CCSER1: variants seen among roughly 807,000 people sequenced by gnomAD.
CCSER1 encodes the protein coiled-coil serine rich protein 1.
Under a neutral mutation model 82.0 loss-of-function variants are expected in CCSER1, and 41 were observed. That is an observed-to-expected ratio of 0.50 (90% CI 0.39 to 0.65). The LOEUF is 0.65. CCSER1 is among the 30% of genes least tolerant of loss of function. The probability of loss-of-function intolerance (pLI) is 0.00; values close to 1 mark genes in which losing one functional copy is unlikely to be tolerated. For synonymous variants in CCSER1, 414 were observed against 383.9 expected, an observed-to-expected ratio of 1.08 and a Z score of -0.92; for missense variants, 1,119 against 1,064.2, an observed-to-expected ratio of 1.05 and a Z score of -0.72.
At chr4:90,130,216 C>T (rs1472039648) in intron 1 of CCSER1, among the ~76,000 whole-genome samples, 1 of 152,142 alleles carries the variant, frequency 6.6e-6, no homozygotes, top group East Asian at 1.9e-4. Flanking sequence ...TGGGGAGGAA[C>T]GGGAGATTCC....
At chr4:90,233,929 G>A (rs1477922374) in intron 1 of CCSER1, among the ~76,000 whole-genome samples, 2 of 152,052 alleles carry the variant, frequency 1.3e-5, no homozygotes, top group East Asian at 1.9e-4. Flanking sequence ...TACATACGTT[G>A]TTTCTATTAA....
intron 10 of CCSER1, among the ~76,000 whole-genome samples, chr4:91,195,014 T>C (rs549257815): frequency 6.6e-6 from 1 of 152,236 alleles, no homozygotes; most frequent in African/African-American, 2.4e-5. Context: ...GAAGAAGCTA[T>C]ATTTATTTTC....
chr4:91,069,088 C>T (rs912785453), intron 9 of CCSER1, among the ~76,000 whole-genome samples: 3 of 151,974 alleles, frequency 2.0e-5, no homozygotes, highest in Admixed American at 1.3e-4. Flanking sequence ...GCAGAAGAAT[C>T]GCTTGAAACT....
At chr4:91,193,652 A>G (rs1044750161) in intron 10 of CCSER1, among the ~76,000 whole-genome samples, 7 of 152,196 alleles carry the variant, frequency 4.6e-5, no homozygotes, top group Non-Finnish European at 8.8e-5. Context: ...TGTGGTTATT[A>G]TTGTTCGATC....
At chr4:90,633,937 G>A (rs557668817) in intron 6 of CCSER1, among the ~76,000 whole-genome samples, 9 of 151,710 alleles carry the variant, frequency 5.9e-5, no homozygotes, top group Non-Finnish European at 7.4e-5. Flanking sequence ...AAAAATGACC[G>A]ATGTTGGGCC....
At chr4:90,168,570 T>C (rs1194947049) in intron 1 of CCSER1, among the ~76,000 whole-genome samples, 1 of 152,214 alleles carries the variant, frequency 6.6e-6, no homozygotes, top group Non-Finnish European at 1.5e-5. Flanking sequence ...TCCTGAATGG[T>C]ACTGCCTAGG....
At chr4:91,218,114 C>T (rs1319038166) in intron 10 of CCSER1, among the ~76,000 whole-genome samples, 6 of 152,216 alleles carry the variant, frequency 3.9e-5, no homozygotes, top group Admixed American at 1.3e-4. Context: ...AGCCCTGCCC[C>T]GTGGGAAGGC....
chr4:91,274,597 T>A (rs900613121), intron 10 of CCSER1, among the ~76,000 whole-genome samples: 1 of 152,166 alleles, frequency 6.6e-6, no homozygotes, highest in African/African-American at 2.4e-5. Context: ...TTTCTGTGCC[T>A]GGCTTATTTC....
At chr4:91,257,159 A>AACAT (rs1168892032) in intron 10 of CCSER1, among the ~76,000 whole-genome samples, 3 of 152,166 alleles carry the variant, frequency 2.0e-5, no homozygotes, top group Non-Finnish European at 4.4e-5. Context: ...TGTTAGTAAA[A>AACAT]ACATAGAATA....
At chr4:91,538,699 A>ATATATTATATATATATATATATTATATT (rs1491147288) in intron 10 of CCSER1, among the ~76,000 whole-genome samples, 1 of 21,640 alleles carries the variant, frequency 4.6e-5, no homozygotes, top group Non-Finnish European at 8.4e-5. Flanking sequence ...ATATATACAC[A>ATATATTATATATATATATATATTATATT]TATATATATA....
chr4:90,673,308 A>G (rs1442497933), intron 6 of CCSER1, among the ~76,000 whole-genome samples: 1 of 151,928 alleles, frequency 6.6e-6, no homozygotes, highest in Non-Finnish European at 1.5e-5. Flanking sequence ...ATGCTATTTG[A>G]GCTTGAAAAT....
chr4:91,276,945 T>C (rs1444360608), intron 10 of CCSER1, among the ~76,000 whole-genome samples: 2 of 152,130 alleles, frequency 1.3e-5, no homozygotes, highest in Non-Finnish European at 2.9e-5. Flanking sequence ...GTTGAGGTGA[T>C]ACATGACATT....
At chr4:90,897,611 G>A (rs1723912365) in intron 8 of CCSER1, among the ~76,000 whole-genome samples, 1 of 152,000 alleles carries the variant, frequency 6.6e-6, no homozygotes, top group South Asian at 2.1e-4. Context: ...GAGTGCAAGT[G>A]TCTTTTTGAT....
chr4:91,283,611 A>G (rs987286904), intron 10 of CCSER1, among the ~76,000 whole-genome samples: 3 of 152,046 alleles, frequency 2.0e-5, no homozygotes, highest in Non-Finnish European at 1.5e-5. Context: ...TGTGTTATAT[A>G]TATTTTTTAC....
intron 5 of CCSER1, among the ~76,000 whole-genome samples, chr4:90,611,129 C>G (rs1321056961): frequency 7.5e-6 from 1 of 132,554 alleles, no homozygotes; most frequent in Admixed American, 8.2e-5. Context: ...GAACTCCTGA[C>G]CTCAGGTGAT....
chr4:90,132,339 T>C (rs1484153013), intron 1 of CCSER1, among the ~76,000 whole-genome samples: 1 of 152,214 alleles, frequency 6.6e-6, no homozygotes, highest in Non-Finnish European at 1.5e-5. Flanking sequence ...ACAAAATCTG[T>C]TTGCTTTATA....
At chr4:91,512,421 G>C (rs1188042553) in intron 10 of CCSER1, among the ~76,000 whole-genome samples, 1 of 152,134 alleles carries the variant, frequency 6.6e-6, no homozygotes, top group African/African-American at 2.4e-5. Flanking sequence ...TTACACCAGT[G>C]GTTTGCCAAG....
chr4:90,138,540 C>T (rs1037805691), intron 1 of CCSER1, among the ~76,000 whole-genome samples: 5 of 152,138 alleles, frequency 3.3e-5, no homozygotes, highest in Non-Finnish European at 7.3e-5. Context: ...AATGAAAGGA[C>T]TGGAGGAATG....
At chr4:90,970,572 G>A (rs1735007819) in intron 9 of CCSER1, among the ~76,000 whole-genome samples, 2 of 152,004 alleles carry the variant, frequency 1.3e-5, no homozygotes, top group South Asian at 4.1e-4. Context: ...GGAAACAACA[G>A]ACATGAATAA....
Sources: gnomAD v4.1 joint callset for allele counts (sites outside exome capture counted in the v4.1 genomes callset) on GRCh38, gnomAD v4.1.1 for gene constraint, MANE v1.5 for transcripts, NCBI Gene and HGNC (gene_info 2026-07-23, HGNC 2026-07-21) for gene names.